ABCA13: variants seen among roughly 807,000 people sequenced by gnomAD.
The protein encoded by ABCA13 is ATP-binding cassette sub-family A member 13.
In ABCA13, 476 loss-of-function variants were observed where a neutral mutation model predicts 478.7. The observed-to-expected ratio is 0.99, with a 90% CI of 0.92 to 1.07. The LOEUF (loss-of-function observed/expected upper bound fraction) is 1.07. Among genes scored for constraint, ABCA13 ranks in the 50% least tolerant of loss-of-function variants. ABCA13 has a pLI of 0.00. For synonymous variants in ABCA13, 2,252 were observed against 2,158.9 expected, an observed-to-expected ratio of 1.04 and a Z score of -1.20; for missense variants, 6,060 against 5,910.6, an observed-to-expected ratio of 1.03 and a Z score of -0.83.
intron 41 of ABCA13, among the ~76,000 whole-genome samples, chr7:48,422,613 T>C (rs961821110): frequency 3.3e-5 from 5 of 152,226 alleles, no homozygotes; most frequent in Non-Finnish European, 7.3e-5. Flanking sequence ...TCCTGTTCTG[T>C]AGTCTCCAGG....
At chr7:48,560,071 GC>G (rs2131257496) in intron 55 of ABCA13, among the ~76,000 whole-genome samples, 1 of 152,242 alleles carries the variant, frequency 6.6e-6, no homozygotes, top group South Asian at 2.1e-4. Flanking sequence ...TGTAATCCCA[GC>G]CTAGAATTAG....
chr7:48,291,563 T>C (rs985766186), intron 20 of ABCA13, among the ~76,000 whole-genome samples: 4 of 152,168 alleles, frequency 2.6e-5, no homozygotes, highest in African/African-American at 9.7e-5. Flanking sequence ...CTCAATCCAG[T>C]TGGATCCTGG....
rs1186430557 is a variant in ABCA13 at position 48,275,260 on chromosome 7, C to T, written c.5594C>T (p.Ser1865Phe). 1 of 1,613,738 alleles carries T rather than the reference C, an allele frequency of 6.2e-7. No individual in the cohort carries two copies. The highest frequency in any genetic ancestry group is 8.5e-7 in the Non-Finnish European group (1 of 1,179,850). The change falls in exon 17 of 62, where the codon TCT (serine) becomes TTT (phenylalanine). Residue 1865 changes from serine (S) to phenylalanine (F), a missense_variant. Coordinates refer to ENST00000435803, the MANE Select transcript of ABCA13 (RefSeq NM_152701.5). ...AGTATACTTGATCATTTCCACCTGT[C>T]TCCCCAAGGTGAAGATTCACCATGT... ...VASILDHFHLSPQGEDSPCSN... is the reference protein window; with the variant it reads ...VASILDHFHLFPQGEDSPCSN...
At chr7:48,527,631 A>G (rs571073490) in intron 54 of ABCA13, among the ~76,000 whole-genome samples, 3 of 152,322 alleles carry the variant, frequency 2.0e-5, no homozygotes, top group South Asian at 4.1e-4. Flanking sequence ...TCTATGCTCA[A>G]TGTCAGAATA....
At chr7:48,580,451 C>G in intron 56 of ABCA13, 77 bp downstream of exon 56, 1 of 1,421,474 alleles carries the variant, frequency 7.0e-7, no homozygotes, top group East Asian at 2.4e-5. Context: ...TCCAAGGCAG[C>G]TCTCTCACCC....
At chr7:48,481,822 G>A (rs1336035732) in intron 46 of ABCA13, among the ~76,000 whole-genome samples, 1 of 152,036 alleles carries the variant, frequency 6.6e-6, no homozygotes, top group Non-Finnish European at 1.5e-5. Flanking sequence ...GGGAACTTGT[G>A]TGCCCAGAAC....
At chr7:48,262,340 C>A (rs1308063989) in intron 15 of ABCA13, among the ~76,000 whole-genome samples, 3 of 151,740 alleles carry the variant, frequency 2.0e-5, no homozygotes, top group Non-Finnish European at 4.4e-5. Context: ...CATTCTTGCT[C>A]AAAATTTTAT....
chr7:48,645,354 T>C, intron 61 of ABCA13, 63 bp from the exon 62 acceptor site: 1 of 1,342,900 alleles, frequency 7.4e-7, no homozygotes, highest in Non-Finnish European at 1.0e-6. Context: ...GTCTCCTTTC[T>C]AATAAGTGAG....
intron 55 of ABCA13, among the ~76,000 whole-genome samples, chr7:48,530,912 T>C (rs1045033955): frequency 6.6e-6 from 1 of 152,174 alleles, no homozygotes; most frequent in Non-Finnish European, 1.5e-5. Context: ...GTATAGATTG[T>C]GAAGATTTTC....
intron 41 of ABCA13, among the ~76,000 whole-genome samples, chr7:48,420,976 A>G (rs141834016): frequency 6.6e-5 from 10 of 152,258 alleles, no homozygotes; most frequent in African/African-American, 2.4e-4. Flanking sequence ...CGTATTTTGC[A>G]CAATGAGCCT....
chr7:48,199,218 G>C (rs75211940), intron 3 of ABCA13, among the ~76,000 whole-genome samples: 3 of 151,946 alleles, frequency 2.0e-5, no homozygotes, highest in African/African-American at 4.8e-5. Flanking sequence ...GATAATTTTC[G>C]GCATATCAGG....
intron 48 of ABCA13, among the ~76,000 whole-genome samples, chr7:48,494,733 A>T (rs1374910557): frequency 6.6e-6 from 1 of 152,168 alleles, no homozygotes; most frequent in East Asian, 1.9e-4. Flanking sequence ...GAAAGAGAGG[A>T]TAAAAGATAA....
intron 42 of ABCA13, among the ~76,000 whole-genome samples, chr7:48,452,784 C>G (rs139146538): frequency 6.6e-6 from 1 of 152,330 alleles, no homozygotes; most frequent in East Asian, 1.9e-4. Flanking sequence ...AGAGAAAGAG[C>G]TTCTTGGTCA....
intron 3 of ABCA13, among the ~76,000 whole-genome samples, chr7:48,213,806 A>T (rs1285324392): frequency 1.3e-5 from 2 of 152,218 alleles, no homozygotes; most frequent in Non-Finnish European, 2.9e-5. Context: ...CCAGAAGTAG[A>T]TTCCATCTCA....
intron 3 of ABCA13, among the ~76,000 whole-genome samples, chr7:48,204,995 C>T (rs1784742310): frequency 6.6e-6 from 1 of 152,232 alleles, no homozygotes; most frequent in Admixed American, 6.5e-5. Context: ...ACTTGTCTAC[C>T]TGCAATAGAG....
At chr7:48,618,696 T>G (rs906119077) in intron 59 of ABCA13, among the ~76,000 whole-genome samples, 2 of 152,114 alleles carry the variant, frequency 1.3e-5, no homozygotes, top group African/African-American at 4.8e-5. Flanking sequence ...ATAACTTTAG[T>G]GGGCTGTGCA....
intron 47 of ABCA13, among the ~76,000 whole-genome samples, chr7:48,485,794 A>G (rs1015954345): frequency 4.6e-5 from 7 of 152,122 alleles, no homozygotes; most frequent in African/African-American, 1.7e-4. Context: ...AGGCCCCACT[A>G]TCTGTGGGGA....
chr7:48,320,379 A>C (rs1803267374), intron 27 of ABCA13, among the ~76,000 whole-genome samples: 1 of 152,224 alleles, frequency 6.6e-6, no homozygotes, highest in African/African-American at 2.4e-5. Flanking sequence ...GTTTGCCTAC[A>C]TAGGAACTCA....
chr7:48,453,175 T>G (rs891367265), intron 42 of ABCA13, among the ~76,000 whole-genome samples: 13 of 152,240 alleles, frequency 8.5e-5, no homozygotes, highest in South Asian at 4.1e-4. Context: ...TGGCTGAGAA[T>G]TTCAATCTTC....
Sources: gnomAD v4.1 joint callset for allele counts (sites outside exome capture counted in the v4.1 genomes callset) on GRCh38, gnomAD v4.1.1 for gene constraint, MANE v1.5 for transcripts, NCBI Gene and HGNC (gene_info 2026-07-23, HGNC 2026-07-21) for gene names.